The following GNAS-AS1 variants were observed in gnomAD, a reference collection of about 807,000 sequenced individuals.
GNAS-AS1 encodes GNAS antisense RNA 1.
At chr20:58,844,472 T>C (rs1449597170) in intron 2 of GNAS-AS1, among the ~76,000 whole-genome samples, 1 of 152,168 alleles carries the variant, frequency 6.6e-6, no homozygotes, top group Admixed American at 6.5e-5. Flanking sequence ...ACTGGAGCAG[T>C]GGGATCTAAG....
chr20:58,821,850 G>A (rs2085489437), intron 4 of GNAS-AS1, among the ~76,000 whole-genome samples: 1 of 152,172 alleles, frequency 6.6e-6, no homozygotes, highest in South Asian at 2.1e-4. Flanking sequence ...GATTAACTCA[G>A]GGGCCGCCTG....
intron 4 of GNAS-AS1, chr20:58,836,660 T>C (rs1485129142): frequency 6.6e-6 from 1 of 152,222 alleles, no homozygotes; most frequent in Non-Finnish European, 1.5e-5. Flanking sequence ...TGAAATTCAC[T>C]CTGCAGCGAG....
intron 4 of GNAS-AS1, chr20:58,839,948 C>T (rs2085656021): frequency 1.4e-6 from 1 of 707,770 alleles, no homozygotes; most frequent in African/African-American, 1.8e-5. Flanking sequence ...AAGGTAGGTG[C>T]TTCCCTTTTT....
chr20:58,827,559 A>G (rs2085529285), intron 4 of GNAS-AS1, among the ~76,000 whole-genome samples: 1 of 152,222 alleles, frequency 6.6e-6, no homozygotes, highest in Admixed American at 6.5e-5. Context: ...AACAGGGACA[A>G]AGTGGCAAGA....
intron 4 of GNAS-AS1, chr20:58,838,943 C>G: frequency 2.6e-6 from 1 of 378,656 alleles, no homozygotes; most frequent in East Asian, 3.7e-5. Context: ...AAAAAAAAAC[C>G]TACCTAGGAA....
chr20:58,833,189 C>A (rs889974434), intron 4 of GNAS-AS1, among the ~76,000 whole-genome samples: 4 of 152,248 alleles, frequency 2.6e-5, no homozygotes, highest in Non-Finnish European at 5.9e-5. Flanking sequence ...TGGCTCCTCA[C>A]ATGCCTGAAA....
chr20:58,848,207 G>A (rs898796125), intron 2 of GNAS-AS1, among the ~76,000 whole-genome samples: 2 of 152,294 alleles, frequency 1.3e-5, no homozygotes, highest in East Asian at 3.9e-4. Flanking sequence ...AAGTAGCCAA[G>A]TATACACAAT....
At chr20:58,822,783 C>T (rs1366686441) in intron 4 of GNAS-AS1, among the ~76,000 whole-genome samples, 4 of 152,008 alleles carry the variant, frequency 2.6e-5, no homozygotes, top group Non-Finnish European at 2.9e-5. Flanking sequence ...ATAAATAAGT[C>T]GCCCCAAGGC....
intron 4 of GNAS-AS1, among the ~76,000 whole-genome samples, chr20:58,832,720 C>CTCTT (rs1380649219): frequency 4.6e-5 from 7 of 152,216 alleles, no homozygotes; most frequent in African/African-American, 1.7e-4. Flanking sequence ...TTGCAAAACT[C>CTCTT]TCTTATCTCA....
intron 4 of GNAS-AS1, among the ~76,000 whole-genome samples, chr20:58,828,006 G>C (rs1186051206): frequency 7.2e-5 from 11 of 152,138 alleles, no homozygotes; most frequent in Admixed American, 7.2e-4. Flanking sequence ...TCACAGTGTA[G>C]ACATCTTGAA....
chr20:58,840,826 C>A lies in GNAS-AS1; in HGVS notation n.819+1111G>T, dbSNP rs112322423. On this transcript the variant is annotated intron_variant and non_coding_transcript_variant, in intron 4 of 4. Transcript: ENST00000424094. This position sits in a 1 kb window ranked among gnomAD's most constrained non-coding sequence, Gnocchi z 6.0. ...AGTCCCCTTCCAAAAAGGGACCCAT[C>A]CCCATCCGGCGTCACTAATGGAGGA... 169 of 1,612,792 alleles carry A rather than the reference C, an allele frequency of 1.0e-4. No individual in the cohort carries two copies. The African/African-American group carries it at 1.9e-3, about 18-fold the overall frequency.
intron 4 of GNAS-AS1, among the ~76,000 whole-genome samples, chr20:58,833,595 A>C (rs1262996251): frequency 6.6e-6 from 1 of 152,146 alleles, no homozygotes; most frequent in East Asian, 1.9e-4. Context: ...GTGGAAAGAA[A>C]ACCCTGATGT....
At chr20:58,830,510 T>C (rs1272541130) in intron 4 of GNAS-AS1, among the ~76,000 whole-genome samples, 16 of 32,726 alleles carry the variant, frequency 4.9e-4, no homozygotes, top group Admixed American at 1.1e-3. Flanking sequence ...CACACCACCA[T>C]CATCACCACC....
At chr20:58,844,583 G>T (rs2085869752) in intron 2 of GNAS-AS1, among the ~76,000 whole-genome samples, 1 of 152,140 alleles carries the variant, frequency 6.6e-6, no homozygotes, top group African/African-American at 2.4e-5. Context: ...TCTAAAATGA[G>T]ATCGCTGAAT....
At chr20:58,821,498 A>G (rs4812033) in intron 4 of GNAS-AS1, among the ~76,000 whole-genome samples, 48,578 of 152,062 alleles carry the variant, frequency 0.32, 8,795 homozygotes, top group East Asian at 0.65. Context: ...CAGTTTTCCC[A>G]TATGTTTGCT....
At chr20:58,848,410 A>G (rs2086022952) in intron 2 of GNAS-AS1, among the ~76,000 whole-genome samples, 1 of 152,076 alleles carries the variant, frequency 6.6e-6, no homozygotes, top group Non-Finnish European at 1.5e-5. Context: ...CCTCTTCCTT[A>G]GCTGCATAAA....
chr20:58,841,751 C>G lies in GNAS-AS1; in HGVS notation n.819+186G>C. 1 of 1,228,838 alleles carries G rather than the reference C, an allele frequency of 8.1e-7. No individual in the cohort carries two copies. The highest frequency in any genetic ancestry group is 1.0e-6 in the Non-Finnish European group (1 of 986,584). The allele number at this position is 1,228,838 out of a possible 1,614,324, so 76.1% of individuals were successfully genotyped here. On this transcript the variant is annotated intron_variant and non_coding_transcript_variant, in intron 4 of 4. Transcript: ENST00000424094. This position sits in a 1 kb window ranked among gnomAD's most constrained non-coding sequence, Gnocchi z 5.0. ...GTTGAACGCACAGGCATGGTCACGT[C>G]GGGGTATTGCCAAGCTTTTGGCGCA...
chr20:58,826,244 T>C, intron 4 of GNAS-AS1: 1 of 392,796 alleles, frequency 2.5e-6, no homozygotes, highest in Non-Finnish European at 4.5e-6. Context: ...AACATATACA[T>C]TTTTTTGCAA....
intron 4 of GNAS-AS1, chr20:58,825,891 C>T (rs2085516559): frequency 5.1e-6 from 2 of 394,012 alleles, no homozygotes; most frequent in South Asian, 2.9e-4. Flanking sequence ...AGCCCAGAGT[C>T]CCTGCCACTG....
Sources: allele counts gnomAD v4.1 joint callset (sites outside exome capture counted in the v4.1 genomes callset), GRCh38; gene constraint gnomAD v4.1.1; non-coding constraint Gnocchi (gnomAD v3.1); transcripts MANE v1.5; gene names NCBI Gene and HGNC (gene_info 2026-07-23, HGNC 2026-07-21).